Variants in PRKN observed in about 807,000 individuals in gnomAD.
PRKN encodes the protein E3 ubiquitin-protein ligase parkin.
In PRKN, 56 loss-of-function variants were observed where a neutral mutation model predicts 59.5. The ratio of observed to expected loss-of-function variants is 0.94; its 90% confidence interval spans 0.76 to 1.18. The LOEUF is 1.18. Among genes scored for constraint, PRKN ranks in the 50% most tolerant of loss-of-function variants. The pLI is 0.00. For missense variants in PRKN, 657 were observed against 596.4 expected (o/e 1.10, Z -1.06); for synonymous variants, 250 against 222.1 (o/e 1.13, Z -1.12).
intron 1 of PRKN, among the ~76,000 whole-genome samples, chr6:162,462,321 C>T (rs974254226): frequency 6.6e-6 from 1 of 152,146 alleles, no homozygotes; most frequent in Admixed American, 6.5e-5. Flanking sequence ...TTATGAACTG[C>T]ACAATGGAGA....
At chr6:161,735,525 T>G (rs1787928148) in intron 7 of PRKN, among the ~76,000 whole-genome samples, 1 of 152,198 alleles carries the variant, frequency 6.6e-6, no homozygotes, top group Non-Finnish European at 1.5e-5. Context: ...GTTGTTAAGT[T>G]TTTTGGAGAG....
rs765085362 is a variant in PRKN, at chr6:162,240,545, G to A, written c.412+21980C>T. Among the ~76,000 whole-genome samples the A allele has an allele frequency of 2.2e-4, 33 of 152,212 alleles. 1 individual carries two copies. Among genetic ancestry groups the A allele is most frequent in the African/African-American group, 7.5e-4 (31 of 41,530 alleles). On this transcript the variant is annotated intron_variant, in intron 3 of 11. Coordinates refer to ENST00000366898, the MANE Select transcript of PRKN (RefSeq NM_004562.3). ...AATTAGGCTAGCAAATGAAGCCTGT[G>A]GGAGAAGCATATTTAATAAATATAG...
rs191566709 is a variant in PRKN at position 162,321,523 on chromosome 6, T to C, written c.172-58758A>G. Among the ~76,000 whole-genome samples the C allele has an allele frequency of 5.3e-5, 8 of 151,962 alleles. No individual in the cohort carries two copies. In the East Asian group the frequency reaches 1.5e-3, roughly 29 times the overall value. On this transcript the variant is annotated intron_variant, in intron 2 of 11. Transcript: ENST00000366898. ...AGACAAGGCAATACTTCCAATTTAT[T>C]TTTTTTCAGCCATTATTACTTTGAT...
chr6:162,347,851 AACTAACAATCCCTAAGAG>A (rs1784468373), intron 2 of PRKN, among the ~76,000 whole-genome samples: 2 of 152,166 alleles, frequency 1.3e-5, no homozygotes, highest in Non-Finnish European at 2.9e-5. Context: ...AAGCATTGAA[AACTAACAATCCCTAAGAG>A]ACAGAAACAA....
rs979995708 is a variant in PRKN at position 161,502,207 on chromosome 6, A to G, written c.1083+46647T>C. On this transcript the variant is annotated intron_variant, in intron 9 of 11. Coordinates refer to ENST00000366898, the MANE Select transcript of PRKN (RefSeq NM_004562.3). The surrounding 1 kb of genome is among the most constrained non-coding windows in gnomAD (Gnocchi z 4.0). ...GCACTGCACATGCTTATCATTAGTC[A>G]ATTGATTAAGTTTGCACTCTTTGGG... Among the ~76,000 whole-genome samples, 12 of 152,222 alleles carry G rather than the reference A, an allele frequency of 7.9e-5. No individual in the cohort carries two copies. The highest frequency in any genetic ancestry group is 2.6e-4 in the African/African-American group (11 of 41,536).
chr6:162,409,413 T>C (rs1788239866), intron 2 of PRKN, among the ~76,000 whole-genome samples: 2 of 152,026 alleles, frequency 1.3e-5, no homozygotes, highest in Non-Finnish European at 2.9e-5. Flanking sequence ...AGCCTTGGCC[T>C]CCCCAAATGC....
intron 2 of PRKN, among the ~76,000 whole-genome samples, chr6:162,345,137 T>G (rs753774909): frequency 2.0e-5 from 3 of 152,204 alleles, no homozygotes; most frequent in Non-Finnish European, 2.9e-5. Context: ...AGACCACGCC[T>G]GGAATAACTC....
rs1317853101 is a variant in PRKN, at chr6:162,498,410, T to C, written c.8-54937A>G. ...TTTCTTTCCTTTTTTTTTTTTTTTT[T>C]TTTTTGAGATGGAGTTTCTTTCCTT... On this transcript the variant is annotated intron_variant, in intron 1 of 11. Coordinates refer to ENST00000366898, the MANE Select transcript of PRKN (RefSeq NM_004562.3). Among the ~76,000 whole-genome samples the C allele has an allele frequency of 1.9e-3, 211 of 113,552 alleles. 6 individuals are homozygous for C. Among genetic ancestry groups the C allele is most frequent in the African/African-American group, 6.2e-3 (194 of 31,390 alleles). 74.5% of individuals were successfully genotyped at this position (113,552 alleles called of 152,430 possible).
intron 7 of PRKN, among the ~76,000 whole-genome samples, chr6:161,678,021 A>G (rs1307405937): frequency 2.0e-5 from 3 of 152,148 alleles, no homozygotes; most frequent in African/African-American, 7.2e-5. Context: ...CAGACTGTCT[A>G]GATAACCTTA....
chr6:161,698,705 C>A (rs569284930), intron 7 of PRKN, among the ~76,000 whole-genome samples: 1 of 152,222 alleles, frequency 6.6e-6, no homozygotes, highest in Non-Finnish European at 1.5e-5. Flanking sequence ...AAAGGCAATT[C>A]TGTCAGGAGA....
intron 2 of PRKN, among the ~76,000 whole-genome samples, chr6:162,306,572 ATTGT>A: frequency 6.6e-6 from 1 of 152,168 alleles, no homozygotes; most frequent in African/African-American, 2.4e-5. Context: ...TTGTGTGAAA[ATTGT>A]TTTCCCCTGG....
intron 9 of PRKN, among the ~76,000 whole-genome samples, chr6:161,403,214 G>C (rs1371194738): frequency 6.6e-6 from 1 of 151,974 alleles, no homozygotes; most frequent in Admixed American, 6.6e-5. Context: ...TCATCTGTAG[G>C]GTAGAATACT....
chr6:162,726,756 A>C lies in PRKN; in HGVS notation c.7+906T>G, dbSNP rs531634603. Among the ~76,000 whole-genome samples, 160 of 152,308 alleles carry C rather than the reference A, an allele frequency of 1.1e-3. 2 individuals carry two copies. The highest frequency in any genetic ancestry group is 6.8e-3 in the Middle Eastern group (2 of 294). On this transcript the variant is annotated intron_variant, in intron 1 of 11. Transcript: ENST00000366898. ...TGTAAAGGACCCTCCTCAGGAATAA[A>C]CAAGCTCACTAAACCCTCCATACAT...
At chr6:161,659,925 G>C (rs771822542) in intron 7 of PRKN, among the ~76,000 whole-genome samples, 1 of 152,152 alleles carries the variant, frequency 6.6e-6, no homozygotes, top group Non-Finnish European at 1.5e-5. Flanking sequence ...TCATTACCGA[G>C]TTCATACAGT....
chr6:162,226,227 G>A (rs1328906727), intron 3 of PRKN, among the ~76,000 whole-genome samples: 1 of 151,994 alleles, frequency 6.6e-6, no homozygotes, highest in African/African-American at 2.4e-5. Flanking sequence ...AGGGCTATGC[G>A]CTTTGAGACA....
intron 2 of PRKN, among the ~76,000 whole-genome samples, chr6:162,348,293 C>T (rs969711910): frequency 6.6e-6 from 1 of 152,096 alleles, no homozygotes; most frequent in South Asian, 2.1e-4. Context: ...CAACCAACAA[C>T]GTGACCTGGA....
chr6:162,047,983 T>A (rs1437408673), intron 5 of PRKN, among the ~76,000 whole-genome samples: 3 of 152,182 alleles, frequency 2.0e-5, no homozygotes, highest in Non-Finnish European at 4.4e-5. Context: ...GTTACATTAT[T>A]TATTATAGTT....
intron 1 of PRKN, among the ~76,000 whole-genome samples, chr6:162,560,852 G>T (rs370560102): frequency 6.9e-4 from 2 of 2,898 alleles, no homozygotes; most frequent in South Asian, 0.011. Flanking sequence ...AGAGAGAGAG[G>T]CAAAAAAAAA....
In PRKN at chr6:161,530,495, C is replaced by T. The variant is rs1057291647; in HGVS notation, c.1083+18359G>A. Among the ~76,000 whole-genome samples, 12 of 151,832 alleles carry T rather than the reference C, an allele frequency of 7.9e-5. No individual in the cohort carries two copies. Among genetic ancestry groups the T allele is most frequent in the Admixed American group, 6.6e-4 (10 of 15,232 alleles). On this transcript the variant is annotated intron_variant, in intron 9 of 11. Transcript: ENST00000366898. This position sits in a 1 kb window ranked among gnomAD's most constrained non-coding sequence, Gnocchi z 5.0. ...CATTCCGTGTCGAAGAAGACCTATA[C>T]GGCTTGCTTCTTTTTTTCTTTTTTT...
Sources: gnomAD v4.1 joint callset for allele counts (sites outside exome capture counted in the v4.1 genomes callset) on GRCh38, gnomAD v4.1.1 for gene constraint, Gnocchi (gnomAD v3.1) non-coding constraint, MANE v1.5 for transcripts, NCBI Gene and HGNC (gene_info 2026-07-23, HGNC 2026-07-21) for gene names.